Variants in TRIM2 observed in about 807,000 individuals in gnomAD.
TRIM2 encodes the protein tripartite motif-containing protein 2.
A neutral mutation model predicts 75.2 loss-of-function variants in TRIM2; 20 were observed. The ratio of observed to expected loss-of-function variants is 0.27; its 90% confidence interval spans 0.19 to 0.39. The LOEUF is 0.39. TRIM2 is among the 10% of genes least tolerant of loss of function. TRIM2 has a pLI of 1.00. For missense variants in TRIM2, 660 were observed against 990.8 expected (o/e 0.67, Z 4.48); for synonymous variants, 373 against 388.3 (o/e 0.96, Z 0.46).
intron 1 of TRIM2, among the ~76,000 whole-genome samples, chr4:153,260,695 C>CA (rs1260416528): frequency 1.4e-4 from 8 of 56,584 alleles, no homozygotes; most frequent in African/African-American, 4.6e-4. Context: ...CACCCACCCC[C>CA]CCCCCCACAC....
chr4:153,212,354 G>A (rs1462772164), intron 1 of TRIM2, among the ~76,000 whole-genome samples: 1 of 152,202 alleles, frequency 6.6e-6, no homozygotes, highest in African/African-American at 2.4e-5. Context: ...TGTGGACATA[G>A]AGAGTGGAAT....
At chr4:153,227,087 G>A (rs539583816) in intron 1 of TRIM2, among the ~76,000 whole-genome samples, 1 of 152,282 alleles carries the variant, frequency 6.6e-6, no homozygotes, top group African/African-American at 2.4e-5. Flanking sequence ...TCCTCAGTGA[G>A]GAAATCAGCT....
chr4:153,224,669 C>A (rs1400026842), intron 1 of TRIM2, among the ~76,000 whole-genome samples: 2 of 152,148 alleles, frequency 1.3e-5, no homozygotes, highest in African/African-American at 2.4e-5. Flanking sequence ...CTGGAAAATT[C>A]TATGTCGATT....
chr4:153,298,735 T>C (rs905045107), intron 6 of TRIM2, among the ~76,000 whole-genome samples: 3 of 152,124 alleles, frequency 2.0e-5, no homozygotes, highest in African/African-American at 7.2e-5. Context: ...ATATAATATA[T>C]TTCTTTTCTT....
intron 6 of TRIM2, among the ~76,000 whole-genome samples, chr4:153,311,923 TTA>T (rs1553998925): frequency 1.4e-5 from 2 of 142,546 alleles, no homozygotes; most frequent in Non-Finnish European, 3.0e-5. Context: ...TATTTATTTA[TTA>T]TTATTATACT....
At chr4:153,273,442 A>ATTTTTTTTTTTTTTT (rs11459214) in intron 2 of TRIM2, among the ~76,000 whole-genome samples, 3 of 77,676 alleles carry the variant, frequency 3.9e-5, no homozygotes, top group African/African-American at 2.3e-4. Context: ...CGCCCGGCTA[A>ATTTTTTTTTTTTTTT]TTTTTTTTTT....
intron 1 of TRIM2, among the ~76,000 whole-genome samples, chr4:153,153,433 G>T (rs1560770830): frequency 6.6e-6 from 1 of 152,086 alleles, no homozygotes; most frequent in Non-Finnish European, 1.5e-5. Context: ...TCTGGAGGTG[G>T]TGCGCGCTGG....
chr4:153,215,074 T>C (rs1738108087), intron 1 of TRIM2, among the ~76,000 whole-genome samples: 1 of 152,200 alleles, frequency 6.6e-6, no homozygotes, highest in Non-Finnish European at 1.5e-5. Flanking sequence ...GAATGTCTAT[T>C]ATACAGGCAG....
At chr4:153,178,153 C>G (rs1560788695) in intron 1 of TRIM2, among the ~76,000 whole-genome samples, 1 of 152,104 alleles carries the variant, frequency 6.6e-6, no homozygotes, top group South Asian at 2.1e-4. Context: ...CAGTTTGGCT[C>G]CTGGCAGCCT....
At chr4:153,195,924 G>A (rs1457043804) in intron 1 of TRIM2, among the ~76,000 whole-genome samples, 2 of 152,152 alleles carry the variant, frequency 1.3e-5, no homozygotes, top group African/African-American at 2.4e-5. Context: ...CAATTCTGAT[G>A]CCTGTCTCCC....
chr4:153,294,613 G>T, intron 5 of TRIM2, 128 bp downstream of exon 5: 1 of 980,286 alleles, frequency 1.0e-6, no homozygotes. Flanking sequence ...AGTTTTCACT[G>T]AATGTAATAT....
upstream of TRIM2, among the ~76,000 whole-genome samples, chr4:153,202,564 C>G (rs1420522077): frequency 2.0e-5 from 3 of 151,890 alleles, no homozygotes; most frequent in African/African-American, 7.3e-5. Flanking sequence ...CCGGGCATGG[C>G]GGCATGCGCC....
chr4:153,329,311 G>C (rs1770924470), intron 11 of TRIM2, among the ~76,000 whole-genome samples: 1 of 151,872 alleles, frequency 6.6e-6, no homozygotes, highest in South Asian at 2.1e-4. Flanking sequence ...AATGACCCTT[G>C]AGTCAAAGAG....
At chr4:153,174,437 C>T (rs372350678) in intron 1 of TRIM2, among the ~76,000 whole-genome samples, 2 of 152,058 alleles carry the variant, frequency 1.3e-5, no homozygotes, top group African/African-American at 2.4e-5. Flanking sequence ...TCCCAGTACC[C>T]GCTGTTAGTG....
intron 6 of TRIM2, among the ~76,000 whole-genome samples, chr4:153,305,507 T>A (rs1051709665): frequency 6.6e-6 from 1 of 152,184 alleles, no homozygotes; most frequent in Non-Finnish European, 1.5e-5. Flanking sequence ...ACTGGGTAAT[T>A]TATAAAGGAA....
In TRIM2 at chr4:153,337,922, A is replaced by T; in HGVS notation, c.*2956A>T. ...GACCCCCCAGCCCCCCTTGCTGGAC[A>T]TGGGGAGGCAGAGAGTCACTTGACC... On this transcript the variant is annotated 3_prime_UTR_variant, in exon 12 of 12. Transcript: ENST00000338700. The T allele has an allele frequency of 1.0e-6, 1 of 985,776 alleles. No individual in the cohort carries two copies. The highest frequency in any genetic ancestry group is 1.7e-5 in the African/African-American group (1 of 57,346). The allele number at this position is 985,776 out of a possible 1,614,324, so 61.1% of individuals were successfully genotyped here.
At chr4:153,324,745 C>G (rs1769785133) in intron 10 of TRIM2, among the ~76,000 whole-genome samples, 1 of 152,158 alleles carries the variant, frequency 6.6e-6, no homozygotes, top group South Asian at 2.1e-4. Context: ...AAACACATTA[C>G]TCACTTACTG....
intron 1 of TRIM2, among the ~76,000 whole-genome samples, chr4:153,153,697 C>T (rs2149581492): frequency 6.6e-6 from 1 of 152,350 alleles, no homozygotes; most frequent in East Asian, 1.9e-4. Context: ...CCTTTGTGCG[C>T]TGCGCAGTGG....
intron 1 of TRIM2, among the ~76,000 whole-genome samples, chr4:153,196,701 T>C (rs936480684): frequency 6.6e-6 from 1 of 152,248 alleles, no homozygotes; most frequent in Non-Finnish European, 1.5e-5. Flanking sequence ...GGGTTATTGA[T>C]GAAATGTTGC....
Sources: allele counts gnomAD v4.1 joint callset (sites outside exome capture counted in the v4.1 genomes callset), GRCh38; gene constraint gnomAD v4.1.1; transcripts MANE v1.5; gene names NCBI Gene and HGNC (gene_info 2026-07-23, HGNC 2026-07-21).